Variants in KCTD3 observed in about 807,000 individuals in gnomAD.
KCTD3 encodes the protein BTB/POZ domain-containing protein KCTD3.
Under a neutral mutation model 85.8 loss-of-function variants are expected in KCTD3, and 41 were observed. That is an observed-to-expected ratio of 0.48 (90% confidence interval 0.37 to 0.62). The LOEUF (loss-of-function observed/expected upper bound fraction) is 0.62, where lower values mean the gene tolerates loss of function less well. KCTD3 is among the 20% of genes least tolerant of loss of function. The pLI is 0.00. For synonymous variants in KCTD3, 338 were observed against 345.4 expected (o/e 0.98, Z 0.24); for missense variants, 724 against 989.9 (o/e 0.73, Z 3.60).
At position 215,574,261 on chromosome 1, in the gene KCTD3, A is replaced by G. The variant is rs3767262; in HGVS notation, c.183+143A>G. The G allele has an allele frequency of 8.8e-3, 4,396 of 498,724 alleles. 112 individuals carry two copies. Among genetic ancestry groups the G allele is most frequent in the South Asian group, 0.063 (1,207 of 19,250 alleles). The allele number at this position is 498,724 out of a possible 1,614,324, so 30.9% of individuals were successfully genotyped here. ...GTGGCATAATTTTATTTCTTGTCAT[A>G]TGTAGTTTTTTATAATCAGAGAAGA... On this transcript the variant is annotated intron_variant, in intron 3 of 17. Coordinates refer to ENST00000259154, the MANE Select transcript of KCTD3 (RefSeq NM_016121.5).
chr1:215,608,433 A>T (rs575757522), intron 14 of KCTD3, among the ~76,000 whole-genome samples: 2 of 151,606 alleles, frequency 1.3e-5, no homozygotes, highest in African/African-American at 4.9e-5. Flanking sequence ...TGTCATCTTC[A>T]CATGTTAACT....
At chr1:215,614,691 GTTGT>G (rs1655365151) in intron 15 of KCTD3, among the ~76,000 whole-genome samples, 1 of 152,156 alleles carries the variant, frequency 6.6e-6, no homozygotes. Flanking sequence ...CTTTGCTGAA[GTTGT>G]TTATTAGATG....
intron 1 of KCTD3, among the ~76,000 whole-genome samples, chr1:215,568,854 T>TC (rs1659255400): frequency 6.6e-6 from 1 of 152,074 alleles, no homozygotes; most frequent in East Asian, 1.9e-4. Flanking sequence ...TTTTTCCTCT[T>TC]CCCCCAAATC....
At position 215,608,115 on chromosome 1, in the gene KCTD3, A is replaced by G. The variant is rs766855908; in HGVS notation, c.1408A>G (p.Ile470Val). Residue 470 changes from isoleucine to valine, a missense_variant, in exon 14 of 18, where the codon ATA becomes GTA. Around this residue, in one of 6 missense-constraint regions of KCTD3, gnomAD observed 136 missense variants for 197.6 expected, o/e 0.69. Coordinates refer to ENST00000259154, the MANE Select transcript of KCTD3 (RefSeq NM_016121.5). The part of the protein sequence containing the change: ...PGSTPLASFK[I>V]LSLEETESHG... The stretch of plus-strand genomic sequence containing the variant: ...TTCTACTCCTTTAGCGTCATTCAAG[A>G]TACTATCCCTGGAGGAGACAGAAAG... 4 of 1,612,260 alleles carry G rather than the reference A, an allele frequency of 2.5e-6. No individual in the cohort carries two copies. The highest frequency in any genetic ancestry group is 1.1e-5 in the South Asian group (1 of 90,996).
Position 215,621,506 on chromosome 1 carries a change from A to G in KCTD3, c.*888A>G, listed in dbSNP as rs1655687909. On this transcript the variant is annotated 3_prime_UTR_variant, in exon 18 of 18. Coordinates refer to ENST00000259154, the MANE Select transcript of KCTD3 (RefSeq NM_016121.5). ...GGACTGCAGTTCTGAATTTTGGGTT[A>G]AAGGTTTTGGCTGCTGTAAGAATGT... 6.6e-6 allele frequency: 1 copy of G among 152,162 alleles called. No individual in the cohort carries two copies. Among genetic ancestry groups the G allele is most frequent in the African/African-American group, 2.4e-5 (1 of 41,424 alleles). The allele number at this position is 152,162 out of a possible 1,614,324, so 9.4% of individuals were successfully genotyped here.
intron 15 of KCTD3, among the ~76,000 whole-genome samples, chr1:215,613,139 T>C (rs1470087844): frequency 6.6e-6 from 1 of 152,182 alleles, no homozygotes; most frequent in Non-Finnish European, 1.5e-5. Context: ...ACTTAAAAGT[T>C]ACAGGGAAAA....
chr1:215,570,031 G>A (rs1289214519), intron 1 of KCTD3, among the ~76,000 whole-genome samples: 1 of 152,150 alleles, frequency 6.6e-6, no homozygotes, highest in Non-Finnish European at 1.5e-5. Flanking sequence ...AGAGCTAGAT[G>A]AGATCTAGAA....
chr1:215,588,473 G>A (rs1040093139), intron 9 of KCTD3, among the ~76,000 whole-genome samples: 1 of 151,668 alleles, frequency 6.6e-6, no homozygotes, highest in African/African-American at 2.4e-5. Flanking sequence ...AAAGTCTATG[G>A]CAGAGAAGAA....
At chr1:215,586,172 ACTAT>A (rs1198100136) in intron 8 of KCTD3, among the ~76,000 whole-genome samples, 2 of 152,114 alleles carry the variant, frequency 1.3e-5, no homozygotes, top group Non-Finnish European at 2.9e-5. Flanking sequence ...GAAAGATAAA[ACTAT>A]CTTTTTTTAA....
intron 15 of KCTD3, among the ~76,000 whole-genome samples, chr1:215,617,344 GTGATCAGCCTC>G (rs1156813758): frequency 2.0e-5 from 3 of 152,184 alleles, no homozygotes; most frequent in Non-Finnish European, 1.5e-5. Context: ...CCTGAGGCTT[GTGATCAGCCTC>G]TGAAGTGGGG....
intron 12 of KCTD3, among the ~76,000 whole-genome samples, chr1:215,602,434 G>C (rs1295203459): frequency 6.6e-6 from 1 of 150,842 alleles, no homozygotes; most frequent in African/African-American, 2.4e-5. Context: ...ACGCTGAATT[G>C]CATTTGTTGA....
intron 1 of KCTD3, among the ~76,000 whole-genome samples, chr1:215,570,855 T>TA (rs1189053117): frequency 1.3e-5 from 2 of 152,134 alleles, no homozygotes; most frequent in Non-Finnish European, 2.9e-5. Context: ...GGGTATGGGA[T>TA]AAAAAACAAA....
chr1:215,586,467 A>G (rs759893852), intron 8 of KCTD3, 28 bp from the exon 9 acceptor site: 4 of 1,582,250 alleles, frequency 2.5e-6, no homozygotes, highest in South Asian at 2.3e-5. Context: ...TGCTGAGTCT[A>G]CCTTATGTGC....
chr1:215,611,854 G>A lies in KCTD3; in HGVS notation c.1495G>A (p.Val499Met), dbSNP rs1015704611. 4 of 1,608,238 alleles carry A rather than the reference G, an allele frequency of 2.5e-6. No individual in the cohort carries two copies. The highest frequency in any genetic ancestry group is 3.4e-6 in the Non-Finnish European group (4 of 1,176,062). Residue 499 changes from valine (V) to methionine (M), a missense_variant, in exon 15 of 18, where the codon GTG (valine) becomes ATG (methionine). By Grantham distance (21) the Val-to-Met change is conservative (BLOSUM62 1). Around this residue, in one of 6 missense-constraint regions of KCTD3, gnomAD observed 136 missense variants for 197.6 expected, o/e 0.69. Coordinates refer to ENST00000259154, the MANE Select transcript of KCTD3 (RefSeq NM_016121.5). Reference sequence around the variant, plus strand: ...TTTTGGAGAGCGAGACGATCAACAGGTGTTTATCCAGAAAGTTGTTCCCAT... The same window carrying A: ...TTTTGGAGAGCGAGACGATCAACAGATGTTTATCCAGAAAGTTGTTCCCAT... ...GPFGERDDQQ[V>M]FIQKVVPITN...
intron 8 of KCTD3, among the ~76,000 whole-genome samples, chr1:215,585,092 A>G (rs545295754): frequency 4.9e-4 from 75 of 152,288 alleles, no homozygotes; most frequent in Non-Finnish European, 9.6e-4. Context: ...CAGACCCCCA[A>G]AAAAGAGTTC....
rs185557589 is a variant in KCTD3 at position 215,604,982 on chromosome 1, A to G, written c.1309+680A>G. Among the ~76,000 whole-genome samples, 441 of 152,302 alleles carry G rather than the reference A, an allele frequency of 2.9e-3. 9 individuals are homozygous for G. Among genetic ancestry groups the G allele is most frequent in the Admixed American group, 0.026 (395 of 15,300 alleles). On this transcript the variant is annotated intron_variant, in intron 13 of 17. Transcript: ENST00000259154. ...AAATACTAATTTTCAAGTTTAACGAATAGTACTTTCTGATTACAAAGTAAA... is the reference window on the plus strand; with the variant it reads ...AAATACTAATTTTCAAGTTTAACGAGTAGTACTTTCTGATTACAAAGTAAA...
intron 9 of KCTD3, among the ~76,000 whole-genome samples, chr1:215,590,488 A>C (rs1199188198): frequency 6.6e-6 from 1 of 151,966 alleles, no homozygotes; most frequent in Non-Finnish European, 1.5e-5. Context: ...TGAGCTTTCT[A>C]GATCACTTTA....
At chr1:215,577,789 A>AT (rs1399483854) in intron 5 of KCTD3, 61 bp downstream of exon 5, 7 of 1,351,480 alleles carry the variant, frequency 5.2e-6, no homozygotes, top group Non-Finnish European at 7.4e-6. Context: ...GTTGCCCTAA[A>AT]TGAAATGTGT....
chr1:215,576,113 T>G, intron 4 of KCTD3, 139 bp downstream of exon 4: 1 of 592,054 alleles, frequency 1.7e-6, no homozygotes, highest in Middle Eastern at 4.6e-4. Context: ...CAGGCTGGAG[T>G]GCAGGAGTGC....
Sources: gnomAD v4.1 joint callset for allele counts (sites outside exome capture counted in the v4.1 genomes callset) on GRCh38, gnomAD v4.1.1 for gene constraint, gnomAD v4.1.1 regional missense constraint, MANE v1.5 for transcripts, NCBI Gene and HGNC (gene_info 2026-07-23, HGNC 2026-07-21) for gene names.